Variants in NXT2 observed in about 807,000 individuals in gnomAD.
NXT2 encodes the protein nuclear transport factor 2 like export factor 2.
NXT2 carries 1 observed loss-of-function variant against 9.6 expected under a neutral mutation model. The observed-to-expected ratio is 0.10, with a 90% CI of 0.04 to 0.49. The LOEUF (loss-of-function observed/expected upper bound fraction) is 0.49, where lower values mean the gene tolerates loss of function less well. Among genes scored for constraint, NXT2 ranks in the 20% least tolerant of loss-of-function variants. The probability of loss-of-function intolerance (pLI) is 0.95; values close to 1 mark genes in which losing one functional copy is unlikely to be tolerated. For missense variants in NXT2, 48 were observed against 100.3 expected (o/e 0.48, Z 2.23); for synonymous variants, 22 against 35.4 (o/e 0.62, Z 1.34).
At chrX:109,536,411 G>A (rs1005279248), upstream of NXT2, among the ~76,000 whole-genome samples, 3 of 112,579 alleles carry the variant, frequency 2.7e-5, no homozygotes, top group African/African-American at 9.7e-5. Flanking sequence ...AATGTGGCTG[G>A]GTTAAAATGA....
Position 109,544,067 on chromosome X carries a change from C to T in NXT2, c.*1379C>T, listed in dbSNP as rs1319996764. On this transcript the variant is annotated 3_prime_UTR_variant, in exon 4 of 4. Coordinates refer to ENST00000372106, the MANE Select transcript of NXT2 (RefSeq NM_001242617.2). ...TGATAATCCTCAAAAGAACAAAATG[C>T]TTAACTTTATCTCTTAATTTCTAAA... 8.9e-6 allele frequency: 1 copy of T among 112,636 alleles called. No individual in the cohort carries two copies. 9.3% of individuals were successfully genotyped at this position (112,636 alleles called of 1,213,427 possible).
intron 3 of NXT2, among the ~76,000 whole-genome samples, chrX:109,542,286 T>C (rs1933435609): frequency 9.0e-6 from 1 of 111,371 alleles, no homozygotes; most frequent in African/African-American, 3.3e-5. Flanking sequence ...GAAACTAGAG[T>C]ATCCCAAAGT....
At chrX:109,539,873 GTTT>G (rs1933374901) in intron 2 of NXT2, among the ~76,000 whole-genome samples, 1 of 112,057 alleles carries the variant, frequency 8.9e-6, no homozygotes, top group Non-Finnish European at 1.9e-5. Flanking sequence ...GTCAATTTTG[GTTT>G]TTATTGCCAT....
rs1283038274 is a variant in NXT2 at position 109,542,490 on chromosome X, T to G, written c.248-17T>G. ...TAGAAAATGATGTGTTCTCTTTTTT[T>G]TTTAATGTGGATGAAGAGCAAGCAA... On this transcript the variant is annotated splice_polypyrimidine_tract_variant and intron_variant, in intron 3 of 3. Transcript: ENST00000372106. 2 of 1,164,285 alleles carry G rather than the reference T, an allele frequency of 1.7e-6. No individual in the cohort carries two copies. The highest frequency in any genetic ancestry group is 4.0e-5 in the South Asian group (2 of 49,809).
chrX:109,543,500 A>T lies in NXT2; in HGVS notation c.*812A>T, dbSNP rs1933462985. The T allele has an allele frequency of 8.9e-6, 1 of 112,031 alleles. No homozygotes were observed. Among genetic ancestry groups the T allele is most frequent in the East Asian group, 2.8e-4 (1 of 3,584 alleles). The allele number at this position is 112,031 out of a possible 1,213,427, so 9.2% of individuals were successfully genotyped here. A position where few individuals can be genotyped will look rare whatever the true frequency, so the allele number is the denominator to read the frequency against. The stretch of plus-strand genomic sequence containing the variant: ...AAGTAAGGAGGGTGGCCAAATGGTA[A>T]ACTATTGGTACTTGTTTTCTACCTC... On this transcript the variant is annotated 3_prime_UTR_variant, in exon 4 of 4. Coordinates refer to ENST00000372106, the MANE Select transcript of NXT2 (RefSeq NM_001242617.2).
chrX:109,536,660 T>G, upstream of NXT2: 2 of 314,870 alleles, frequency 6.4e-6, no homozygotes, highest in Non-Finnish European at 1.0e-5. Context: ...CATTTTTGCT[T>G]GTCCCCAGGC....
intron 2 of NXT2, among the ~76,000 whole-genome samples, chrX:109,539,515 C>T (rs1377757096): frequency 1.8e-5 from 2 of 108,917 alleles, no homozygotes; most frequent in African/African-American, 6.7e-5. Context: ...TCCTATTTCT[C>T]CACATCCTCT....
chrX:109,538,174 T>C, intron 2 of NXT2, 43 bp downstream of exon 2: 1 of 791,437 alleles, frequency 1.3e-6, no homozygotes, highest in Middle Eastern at 2.9e-4. Flanking sequence ...ACTACTACTC[T>C]TTATTAAATA....
At chrX:109,536,402 A>G (rs1178314912), upstream of NXT2, among the ~76,000 whole-genome samples, 3 of 112,904 alleles carry the variant, frequency 2.7e-5, no homozygotes, top group Admixed American at 1.9e-4. Context: ...TTCCTGTTCA[A>G]TGTGGCTGGG....
chrX:109,541,114 A>G (rs1288055135), intron 2 of NXT2, among the ~76,000 whole-genome samples: 1 of 112,161 alleles, frequency 8.9e-6, no homozygotes, highest in Non-Finnish European at 1.9e-5. Flanking sequence ...CAAAAGGAAG[A>G]CACACTAAAA....
At chrX:109,536,747 T>C, upstream of NXT2, 1 of 816,509 alleles carries the variant, frequency 1.2e-6, no homozygotes, top group Middle Eastern at 3.3e-4. Flanking sequence ...AATTTTAAAC[T>C]AAGTATCAAA....
intron 3 of NXT2, among the ~76,000 whole-genome samples, chrX:109,542,099 C>T (rs185456256): frequency 2.0e-3 from 225 of 111,313 alleles, no homozygotes; most frequent in African/African-American, 7.2e-3. Flanking sequence ...AGGTGGGGTC[C>T]TAAGTGTCTT....
chrX:109,542,248 C>T (rs1329531930), intron 3 of NXT2, among the ~76,000 whole-genome samples: 1 of 110,996 alleles, frequency 9.0e-6, no homozygotes, highest in East Asian at 2.8e-4. Flanking sequence ...AGCAAATGGT[C>T]CTATGCTAGA....
At chrX:109,538,952 C>G (rs1318500627) in intron 2 of NXT2, among the ~76,000 whole-genome samples, 1 of 110,847 alleles carries the variant, frequency 9.0e-6, no homozygotes, top group Non-Finnish European at 1.9e-5. Flanking sequence ...ATACACGTGC[C>G]AAGGTGGTTT....
chrX:109,538,958 G>C (rs866199101), intron 2 of NXT2, among the ~76,000 whole-genome samples: 1 of 111,088 alleles, frequency 9.0e-6, no homozygotes, highest in Non-Finnish European at 1.9e-5. Context: ...GTGCCAAGGT[G>C]GTTTGCTGCA....
chrX:109,535,925 G>C (rs142540133), upstream of NXT2: 573 of 1,205,160 alleles, frequency 4.8e-4, no homozygotes, highest in Non-Finnish European at 5.0e-4. Context: ...AGACAGAGAA[G>C]GATACCAAAG....
At chrX:109,535,830 C>T (rs1244488115), upstream of NXT2, 13 of 942,838 alleles carry the variant, frequency 1.4e-5, no homozygotes, top group Non-Finnish European at 1.9e-5. Flanking sequence ...AAGAAGCTTC[C>T]GTTAGTCCTA....
chrX:109,538,185 C>T, intron 2 of NXT2, 54 bp downstream of exon 2: 1 of 778,533 alleles, frequency 1.3e-6, no homozygotes. Context: ...TTATTAAATA[C>T]CAGGTTGTGT....
In NXT2 at chrX:109,542,647, G is replaced by T; in HGVS notation, c.388G>T (p.Ala130Ser). 1 of 1,201,087 alleles carries T rather than the reference G, an allele frequency of 8.3e-7. No homozygotes were observed. Among genetic ancestry groups the T allele is most frequent in the Non-Finnish European group, 1.1e-6 (1 of 890,180 alleles). ...STPNNTVWKI[A>S]SDCFRFQDWS... ...TCCCAACAATACTGTGTGGAAGATTGCAAGTGATTGCTTCCGTTTTCAAGA... is the reference window on the plus strand; with the variant it reads ...TCCCAACAATACTGTGTGGAAGATTTCAAGTGATTGCTTCCGTTTTCAAGA... The change falls in exon 4 of 4, where the codon GCA (alanine) becomes TCA (serine). Residue 130 changes from alanine to serine, a missense_variant. Physicochemically the swap from Ala to Ser is moderately conservative, Grantham distance 99. Coordinates refer to ENST00000372106, the MANE Select transcript of NXT2 (RefSeq NM_001242617.2).
Sources: gnomAD v4.1 joint callset for allele counts (sites outside exome capture counted in the v4.1 genomes callset) on GRCh38, gnomAD v4.1.1 for gene constraint, MANE v1.5 for transcripts, NCBI Gene and HGNC (gene_info 2026-07-23, HGNC 2026-07-21) for gene names.